Variants in C14orf39 observed in about 807,000 individuals in gnomAD.
C14orf39 encodes the protein protein SIX6OS1.
C14orf39 carries 66 observed loss-of-function variants against 85.6 expected under a neutral mutation model. The observed-to-expected ratio is 0.77, with a 90% CI of 0.63 to 0.95. The LOEUF (loss-of-function observed/expected upper bound fraction) is 0.95. Ranked by LOEUF, C14orf39 falls within the 40% of genes least tolerant of loss-of-function variation. The probability of loss-of-function intolerance (pLI) is 0.00; values close to 1 mark genes in which losing one functional copy is unlikely to be tolerated. For synonymous variants in C14orf39, 242 were observed against 214.0 expected (o/e 1.13, Z -1.14); for missense variants, 735 against 663.9 (o/e 1.11, Z -1.18).
In C14orf39 at chr14:60,455,087, A is replaced by G. The variant is rs752134283; in HGVS notation, c.1417T>C (p.Ser473Pro). The G allele has an allele frequency of 2.5e-6, 4 of 1,581,398 alleles. No homozygotes were observed. Among genetic ancestry groups the G allele is most frequent in the Middle Eastern group, 1.7e-4 (1 of 5,976 alleles). Reference protein sequence around the residue: ...VQTEKESPGLSFLMSYTSRSP... With the variant: ...VQTEKESPGLPFLMSYTSRSP... ...CTAGAAGTATAACTCATAAGAAAAG[A>G]AAGTCCAGGGGATTCCTTTTCTGTT... The change falls in exon 16 of 18, where the codon TCT becomes CCT. Residue 473 changes from serine to proline, a missense_variant. Coordinates refer to ENST00000321731, the MANE Select transcript of C14orf39 (RefSeq NM_174978.3).
chr14:60,474,105 G>C (rs1892246064), intron 5 of C14orf39, among the ~76,000 whole-genome samples: 1 of 152,130 alleles, frequency 6.6e-6, no homozygotes, highest in Non-Finnish European at 1.5e-5. Flanking sequence ...AGTTCTCCTT[G>C]AAGAAGTCCT....
intron 7 of C14orf39, among the ~76,000 whole-genome samples, chr14:60,470,272 C>A (rs1005106837): frequency 6.6e-6 from 1 of 151,668 alleles, no homozygotes; most frequent in African/African-American, 2.4e-5. Flanking sequence ...TGGTTATTAG[C>A]TAATACAATG....
intron 1 of C14orf39, chr14:60,511,623 G>T: frequency 5.1e-6 from 2 of 392,160 alleles, no homozygotes; most frequent in Non-Finnish European, 9.6e-6. Context: ...TATAACTTTC[G>T]CTTTAAAGTT....
At chr14:60,509,208 C>T (rs1317491721) in intron 1 of C14orf39, 1 of 605,164 alleles carries the variant, frequency 1.7e-6, no homozygotes, top group South Asian at 1.9e-5. Flanking sequence ...CCCCAAGCCG[C>T]GGAGCCAGCA....
intron 2 of C14orf39, among the ~76,000 whole-genome samples, chr14:60,498,236 G>C (rs1950904): frequency 0.86 from 130,169 of 152,228 alleles, 56,429 homozygotes; most frequent in Non-Finnish European, 0.92. Context: ...ACAAAATAAT[G>C]CACATATTCT....
chr14:60,441,420 T>A (rs571876970), intron 17 of C14orf39, among the ~76,000 whole-genome samples: 1 of 152,178 alleles, frequency 6.6e-6, no homozygotes, highest in East Asian at 1.9e-4. Flanking sequence ...CCTACCATTA[T>A]CTCTTATCTT....
chr14:60,496,103 CA>C, intron 2 of C14orf39: 1 of 635,488 alleles, frequency 1.6e-6, no homozygotes, highest in Non-Finnish European at 2.7e-6. Context: ...TCTGACTGAG[CA>C]AAGCCACAGC....
At chr14:60,502,325 A>G (rs188694061) in intron 1 of C14orf39, among the ~76,000 whole-genome samples, 2 of 152,308 alleles carry the variant, frequency 1.3e-5, no homozygotes, top group East Asian at 3.9e-4. Context: ...CATAAATATG[A>G]ATTATTACAA....
chr14:60,467,434 C>A (rs1891849336), intron 9 of C14orf39, among the ~76,000 whole-genome samples: 1 of 151,752 alleles, frequency 6.6e-6, no homozygotes, highest in South Asian at 2.1e-4. Flanking sequence ...AACATGAATA[C>A]AGAAATTGTT....
intron 1 of C14orf39, among the ~76,000 whole-genome samples, chr14:60,506,162 C>T (rs779608239): frequency 5.3e-5 from 8 of 152,160 alleles, no homozygotes; most frequent in Non-Finnish European, 1.0e-4. Flanking sequence ...CCTCATGTCC[C>T]AATCTACTAG....
rs1566665387 is a variant in C14orf39, at chr14:60,461,362, C to T, written c.1109G>A (p.Gly370Glu). 68 of 1,610,612 alleles carry T rather than the reference C, an allele frequency of 4.2e-5. No individual in the cohort carries two copies. The highest frequency in any genetic ancestry group is 5.8e-5 in the Non-Finnish European group (68 of 1,177,940). Residue 370 changes from glycine to glutamate, a missense_variant, in exon 13 of 18, where the codon GGG (glycine) becomes GAG (glutamate). Transcript: ENST00000321731. ...QSNSNQWSEK[G>E]DKDAEYGDKG... ...ATATAAACGGCAAATACCTTTATCC[C>T]CTTTTTCCGACCACTGATTGGAATT...
intron 9 of C14orf39, among the ~76,000 whole-genome samples, chr14:60,467,496 T>C (rs1156360543): frequency 2.0e-5 from 3 of 151,878 alleles, no homozygotes; most frequent in Admixed American, 1.3e-4. Flanking sequence ...ACTGAAAGAA[T>C]AGTTTTCACT....
intron 2 of C14orf39, among the ~76,000 whole-genome samples, chr14:60,499,003 A>G (rs935401587): frequency 3.3e-5 from 5 of 152,232 alleles, no homozygotes; most frequent in East Asian, 1.9e-4. Context: ...TCACACCTGC[A>G]GTCCTAGCAC....
At chr14:60,468,153 G>A (rs1199210243) in intron 9 of C14orf39, among the ~76,000 whole-genome samples, 3 of 151,738 alleles carry the variant, frequency 2.0e-5, no homozygotes, top group Middle Eastern at 3.4e-3. Flanking sequence ...GGCCCATCAT[G>A]GAAAACACTG....
chr14:60,458,160 G>A (rs1365599863), intron 14 of C14orf39, among the ~76,000 whole-genome samples: 1 of 151,840 alleles, frequency 6.6e-6, no homozygotes, highest in Non-Finnish European at 1.5e-5. Context: ...TATTTTGACA[G>A]GTACAATAGA....
chr14:60,488,280 C>G (rs1892935764), upstream of C14orf39, among the ~76,000 whole-genome samples: 2 of 151,948 alleles, frequency 1.3e-5, no homozygotes, highest in Admixed American at 1.3e-4. Context: ...TCCTAATTAC[C>G]CTCATAAAAA....
Position 60,459,657 on chromosome 14 carries a change from CTTT to C in C14orf39, c.1118-921_1118-919del, listed in dbSNP as rs368466556. Among the ~76,000 whole-genome samples, 1,051 of 151,784 alleles carry C rather than the reference CTTT, an allele frequency of 6.9e-3. 13 individuals are homozygous for C. Among genetic ancestry groups the C allele is most frequent in the African/African-American group, 0.024 (980 of 41,518 alleles). On this transcript the variant is annotated intron_variant, in intron 13 of 17. Transcript: ENST00000321731. ...CATTCTCCTACTTAGTATTGTCAGA[CTTT>C]TTTAATTTTGCTAATCTGGTGGATG... is the stretch of plus-strand genomic sequence containing the variant.
At position 60,486,025 on chromosome 14, in the gene C14orf39, C is replaced by G. The variant is rs1180285314; in HGVS notation, c.-89G>C. 1 of 152,944 alleles carries G rather than the reference C, an allele frequency of 6.5e-6. No homozygotes were observed. Among genetic ancestry groups the G allele is most frequent in the Non-Finnish European group, 1.5e-5 (1 of 68,544 alleles). The allele number at this position is 152,944 out of a possible 1,614,324, so 9.5% of individuals were successfully genotyped here. A position where few individuals can be genotyped will look rare whatever the true frequency, so the allele number is the denominator to read the frequency against. On this transcript the variant is annotated 5_prime_UTR_variant, in exon 1 of 18. Transcript: ENST00000321731. ...CTCCACTCAGGACGCCACAGCGGATCCTAACTACAAACGGTCCCCGGAGCC... is the reference window on the plus strand; with the variant it reads ...CTCCACTCAGGACGCCACAGCGGATGCTAACTACAAACGGTCCCCGGAGCC...
At chr14:60,439,812 G>A (rs921492880) in intron 17 of C14orf39, among the ~76,000 whole-genome samples, 3 of 152,160 alleles carry the variant, frequency 2.0e-5, no homozygotes, top group African/African-American at 4.8e-5. Context: ...GGTGGCTCAC[G>A]CCTGTGATCC....
Sources: allele counts gnomAD v4.1 joint callset (sites outside exome capture counted in the v4.1 genomes callset), GRCh38; gene constraint gnomAD v4.1.1; transcripts MANE v1.5; gene names NCBI Gene and HGNC (gene_info 2026-07-23, HGNC 2026-07-21).